The following KIAA1217 variants were observed in gnomAD, a reference collection of about 807,000 sequenced individuals.
The protein encoded by KIAA1217 is sickle tail protein homolog.
In KIAA1217, 88 loss-of-function variants were observed where a neutral mutation model predicts 163.9. The observed-to-expected ratio is 0.54, with a 90% confidence interval of 0.45 to 0.64. The LOEUF is 0.64. KIAA1217 is among the 30% of genes least tolerant of loss of function. The pLI, the probability that KIAA1217 is intolerant of heterozygous loss-of-function variation, is 0.00. For synonymous variants in KIAA1217, 903 were observed against 923.1 expected (o/e 0.98, Z 0.39); for missense variants, 2,372 against 2,475.0 (o/e 0.96, Z 0.88).
At chr10:24,419,626 G>T (rs2058569848) in intron 3 of KIAA1217, among the ~76,000 whole-genome samples, 1 of 152,094 alleles carries the variant, frequency 6.6e-6, no homozygotes, top group Non-Finnish European at 1.5e-5. Flanking sequence ...ATGCTATATA[G>T]GTTTTTGTCA....
Position 23,802,586 on chromosome 10 carries a change from T to G in KIAA1217, c.-321+107352T>G, listed in dbSNP as rs7068322. On this transcript the variant is annotated intron_variant, in intron 1 of 18. Coordinates refer to the KIAA1217 transcript ENST00000376462. ...CTGACACCTATCAGGGTTTTGATTT[T>G]AGAATAGTTGACCTAAAGCTATCCT... Among the ~76,000 whole-genome samples the G allele has an allele frequency of 1.3e-3, 194 of 152,240 alleles. 4 individuals are homozygous for G. The highest frequency in any genetic ancestry group is 4.3e-3 in the African/African-American group (180 of 41,542).
chr10:24,014,101 A>T (rs1847372518), intron 2 of KIAA1217, among the ~76,000 whole-genome samples: 1 of 152,172 alleles, frequency 6.6e-6, no homozygotes, highest in Non-Finnish European at 1.5e-5. Flanking sequence ...ATTTTAATGT[A>T]AATTGAGCCT....
At chr10:23,938,860 T>C (rs1189075225) in intron 1 of KIAA1217, among the ~76,000 whole-genome samples, 1 of 152,158 alleles carries the variant, frequency 6.6e-6, no homozygotes, top group Non-Finnish European at 1.5e-5. Context: ...AGGTATGACA[T>C]TCAATAAAAA....
At chr10:23,775,762 C>T (rs148267619) in intron 1 of KIAA1217, among the ~76,000 whole-genome samples, 1,685 of 152,160 alleles carry the variant, frequency 0.011, 25 homozygotes, top group African/African-American at 0.039. Context: ...ATTCATTGTC[C>T]GGAGTATTGC....
At chr10:23,900,008 C>CT (rs978207919) in intron 1 of KIAA1217, among the ~76,000 whole-genome samples, 17 of 143,966 alleles carry the variant, frequency 1.2e-4, no homozygotes, top group South Asian at 2.2e-4. Context: ...TTCTTTTTTC[C>CT]TTTTTTTTTC....
chr10:24,288,993 A>G (rs1415120543), intron 2 of KIAA1217, among the ~76,000 whole-genome samples: 3 of 152,194 alleles, frequency 2.0e-5, no homozygotes, highest in Non-Finnish European at 4.4e-5. Context: ...CAGCTGCCAT[A>G]TATTAATCTC....
rs117884286 is a variant in KIAA1217 at position 24,146,495 on chromosome 10, G to A, written c.-170-73131G>A. Among the ~76,000 whole-genome samples, 3 of 152,228 alleles carry A rather than the reference G, an allele frequency of 2.0e-5. No homozygotes were observed. The East Asian group carries it at 5.8e-4, about 29-fold the overall frequency. On this transcript the variant is annotated intron_variant, in intron 2 of 18. Transcript: ENST00000376462. ...ATTGAAATGTCCAGCAAGCCAGCCT[G>A]GGCAACATGACGAAACCCCAGCTCT...
At chr10:24,417,320 C>G (rs547524908) in intron 3 of KIAA1217, among the ~76,000 whole-genome samples, 2 of 152,272 alleles carry the variant, frequency 1.3e-5, no homozygotes, top group South Asian at 4.1e-4. Context: ...AACTTTGTTG[C>G]CTTCTTCAGT....
chr10:24,051,840 A>G (rs1849536897), intron 2 of KIAA1217, among the ~76,000 whole-genome samples: 1 of 152,110 alleles, frequency 6.6e-6, no homozygotes, highest in Admixed American at 6.6e-5. Context: ...TTCCTTGTAG[A>G]TTCTGGATAT....
In KIAA1217 at chr10:24,395,800, A is replaced by G. The variant is rs543591416; in HGVS notation, c.553+14733A>G. Among the ~76,000 whole-genome samples, 3 of 152,202 alleles carry G rather than the reference A, an allele frequency of 2.0e-5. No homozygotes were observed. The South Asian group carries it at 6.2e-4, about 32-fold the overall frequency. ...AGCCTCCCACCTCAGCCTCTCAAGT[A>G]GCTGGGACTATAGGTGTGTACTATC... is the stretch of plus-strand genomic sequence containing the variant. On this transcript the variant is annotated intron_variant, in intron 3 of 20. Transcript: ENST00000376454.
At chr10:24,052,332 T>TA (rs927963301) in intron 2 of KIAA1217, among the ~76,000 whole-genome samples, 2 of 152,188 alleles carry the variant, frequency 1.3e-5, no homozygotes, top group African/African-American at 2.4e-5. Context: ...TCAATAACGT[T>TA]AAAAAATCAC....
intron 2 of KIAA1217, among the ~76,000 whole-genome samples, chr10:24,269,954 A>G (rs1256490283): frequency 1.3e-5 from 2 of 152,140 alleles, no homozygotes; most frequent in African/African-American, 4.8e-5. Context: ...TCCCACTACC[A>G]TCATCTGCAG....
intron 1 of KIAA1217, among the ~76,000 whole-genome samples, chr10:23,964,398 C>T (rs887535011): frequency 6.6e-6 from 1 of 151,206 alleles, no homozygotes; most frequent in Non-Finnish European, 1.5e-5. Context: ...CTGTATGTTG[C>T]GTGTTCACTC....
At chr10:23,870,373 T>A (rs909231957) in intron 1 of KIAA1217, among the ~76,000 whole-genome samples, 10 of 152,070 alleles carry the variant, frequency 6.6e-5, no homozygotes, top group African/African-American at 2.4e-4. Flanking sequence ...AATTCCATAT[T>A]TTCATATTCT....
intron 1 of KIAA1217, among the ~76,000 whole-genome samples, chr10:23,950,184 G>A (rs1271505642): frequency 1.3e-5 from 2 of 152,118 alleles, no homozygotes; most frequent in African/African-American, 2.4e-5. Flanking sequence ...TGTAATCATG[G>A]CAGTGATCCA....
chr10:24,352,176 G>T (rs1287497775), intron 2 of KIAA1217, among the ~76,000 whole-genome samples: 1 of 152,194 alleles, frequency 6.6e-6, no homozygotes, highest in East Asian at 1.9e-4. Flanking sequence ...GTCAGCAAAT[G>T]AACTCACAAT....
At position 23,778,389 on chromosome 10, in the gene KIAA1217, A is replaced by T. The variant is rs188255476; in HGVS notation, c.-321+83155A>T. Among the ~76,000 whole-genome samples the T allele has an allele frequency of 8.7e-3, 1,322 of 152,336 alleles. 11 individuals are homozygous for T. The highest frequency in any genetic ancestry group is 0.014 in the Non-Finnish European group (942 of 68,030). ...AAAAACATAGAGAAAAATGTAATAG[A>T]CATATGCCCATGATCCAGCTTTGTC... is the stretch of plus-strand genomic sequence containing the variant. On this transcript the variant is annotated intron_variant, in intron 1 of 18. Coordinates refer to the KIAA1217 transcript ENST00000376462.
chr10:24,275,169 A>G (rs908765933), intron 2 of KIAA1217, among the ~76,000 whole-genome samples: 4 of 152,164 alleles, frequency 2.6e-5, no homozygotes, highest in Non-Finnish European at 4.4e-5. Flanking sequence ...TAATTCCCCA[A>G]TGAACATGAC....
At chr10:23,955,871 C>CA (rs1460585964) in intron 1 of KIAA1217, among the ~76,000 whole-genome samples, 2 of 152,138 alleles carry the variant, frequency 1.3e-5, no homozygotes, top group Non-Finnish European at 2.9e-5. Context: ...AAGATGAAGG[C>CA]AAGTTCTACT....
Sources: gnomAD v4.1 joint callset for allele counts (sites outside exome capture counted in the v4.1 genomes callset) on GRCh38, gnomAD v4.1.1 for gene constraint, MANE v1.5 for transcripts, NCBI Gene and HGNC (gene_info 2026-07-23, HGNC 2026-07-21) for gene names.